ARB2A: variants seen among roughly 807,000 people sequenced by gnomAD.
ARB2A encodes the protein ARB2 cotranscriptional regulator A, also known as cotranscriptional regulator ARB2A.
chr5:93,626,023 G>T, the ARB2A span, among the ~76,000 whole-genome samples: 1 of 152,090 alleles, frequency 6.6e-6, no homozygotes, highest in South Asian at 2.1e-4. Context: ...TTTTGCGGGG[G>T]CAGGGGCAAA....
chr5:93,864,637 T>C, the ARB2A span, among the ~76,000 whole-genome samples: 1 of 152,202 alleles, frequency 6.6e-6, no homozygotes, highest in Non-Finnish European at 1.5e-5. Context: ...GAGGTTCTCA[T>C]TGCAATGATA....
chr5:93,782,263 C>T, the ARB2A span, among the ~76,000 whole-genome samples: 28 of 152,104 alleles, frequency 1.8e-4, no homozygotes, highest in Non-Finnish European at 1.2e-4. Flanking sequence ...GTACCATTTG[C>T]TTTTCAAAGA....
chr5:94,044,215 T>C, the ARB2A span, among the ~76,000 whole-genome samples: 2 of 152,240 alleles, frequency 1.3e-5, no homozygotes, highest in Non-Finnish European at 2.9e-5. Flanking sequence ...GCCCAATTCA[T>C]GGAACACATT....
the ARB2A span, among the ~76,000 whole-genome samples, chr5:94,017,041 C>G: frequency 1.3e-5 from 2 of 152,176 alleles, no homozygotes; most frequent in Non-Finnish European, 2.9e-5. Context: ...TTATTTACCC[C>G]ACTTTGGAAG....
At chr5:93,960,092 C>CG in the ARB2A span, among the ~76,000 whole-genome samples, 36 of 147,134 alleles carry the variant, frequency 2.4e-4, 1 homozygote, top group South Asian at 4.3e-4. Flanking sequence ...CCCCCCCCCC[C>CG]CCCAAAAAAA....
the ARB2A span, among the ~76,000 whole-genome samples, chr5:93,858,440 T>C: frequency 2.0e-5 from 3 of 152,358 alleles, no homozygotes; most frequent in Admixed American, 2.0e-4. Context: ...AGGCAGGCTT[T>C]TCTAAGGATA....
chr5:93,870,234 G>A, the ARB2A span, among the ~76,000 whole-genome samples: 2 of 152,098 alleles, frequency 1.3e-5, no homozygotes, highest in African/African-American at 4.8e-5. Context: ...GAGGAAGGAG[G>A]GCAAACTGTT....
At chr5:93,825,382 G>A in the ARB2A span, among the ~76,000 whole-genome samples, 16 of 152,036 alleles carry the variant, frequency 1.1e-4, no homozygotes, top group South Asian at 2.1e-4. Flanking sequence ...TGTTCTGTCC[G>A]TTCTTCAAAT....
the ARB2A span, among the ~76,000 whole-genome samples, chr5:93,753,734 A>C: frequency 6.6e-6 from 1 of 152,250 alleles, no homozygotes. Context: ...GGGAAGCTGA[A>C]ATAACAGAAA....
the ARB2A span, chr5:94,074,873 T>C: frequency 2.9e-6 from 2 of 681,178 alleles, no homozygotes; most frequent in Non-Finnish European, 4.8e-6. Context: ...TATGCTAATT[T>C]CCCACTTTGT....
the ARB2A span, among the ~76,000 whole-genome samples, chr5:93,664,653 A>AT: frequency 2.0e-5 from 3 of 148,272 alleles, no homozygotes; most frequent in Non-Finnish European, 3.0e-5. Flanking sequence ...ATATATATAT[A>AT]ATAATAATAA....
the ARB2A span, among the ~76,000 whole-genome samples, chr5:94,079,907 A>G: frequency 6.6e-6 from 1 of 152,216 alleles, no homozygotes; most frequent in Non-Finnish European, 1.5e-5. Context: ...ATTGGTAATC[A>G]TCTGTTTAGG....
chr5:93,955,120 G>A, the ARB2A span, among the ~76,000 whole-genome samples: 1 of 152,152 alleles, frequency 6.6e-6, no homozygotes. Flanking sequence ...ACCAGGTACT[G>A]TGACTGCTCA....
At chr5:93,865,437 T>C in the ARB2A span, 8 of 985,290 alleles carry the variant, frequency 8.1e-6, no homozygotes, top group Non-Finnish European at 9.6e-6. Context: ...TCCTTTTATC[T>C]TTAATATCTA....
At chr5:93,900,546 A>G in the ARB2A span, among the ~76,000 whole-genome samples, 1 of 151,202 alleles carries the variant, frequency 6.6e-6, no homozygotes, top group Admixed American at 6.6e-5. Context: ...CCCATGAGGC[A>G]GAGGTTGCAG....
the ARB2A span, chr5:93,738,086 T>C: frequency 8.0e-6 from 2 of 249,932 alleles, no homozygotes; most frequent in South Asian, 7.8e-5. Flanking sequence ...AAGGGCTTAA[T>C]ATCCAGACTC....
the ARB2A span, among the ~76,000 whole-genome samples, chr5:93,963,360 A>G: frequency 2.6e-5 from 4 of 152,064 alleles, no homozygotes; most frequent in Admixed American, 1.3e-4. Context: ...GCTGTTACAC[A>G]GAATAATATT....
At chr5:93,828,200 G>A in the ARB2A span, among the ~76,000 whole-genome samples, 1 of 152,118 alleles carries the variant, frequency 6.6e-6, no homozygotes, top group African/African-American at 2.4e-5. Context: ...CCACTTTCAT[G>A]ATACTGATTC....
chr5:94,022,954 A>T, the ARB2A span, among the ~76,000 whole-genome samples: 1 of 152,212 alleles, frequency 6.6e-6, no homozygotes, highest in African/African-American at 2.4e-5. Flanking sequence ...TAAGGAGGAT[A>T]CAAGTATGAC....
Sources: allele counts gnomAD v4.1 joint callset (sites outside exome capture counted in the v4.1 genomes callset), GRCh38; gene constraint gnomAD v4.1.1; transcripts MANE v1.5; gene names NCBI Gene and HGNC (gene_info 2026-07-23, HGNC 2026-07-21).